Variants in HHAT observed in about 807,000 individuals in gnomAD.
HHAT encodes hedgehog acyltransferase.
HHAT carries 47 observed loss-of-function variants against 70.8 expected under a neutral mutation model. The ratio of observed to expected loss-of-function variants is 0.66; its 90% CI spans 0.53 to 0.85. The LOEUF is 0.85. HHAT is among the 40% of genes least tolerant of loss of function. The pLI, the probability that HHAT is intolerant of heterozygous loss-of-function variation, is 0.00. For synonymous variants in HHAT, 228 were observed against 247.6 expected (o/e 0.92, Z 0.74); for missense variants, 609 against 604.8 (o/e 1.01, Z -0.07).
intron 9 of HHAT, among the ~76,000 whole-genome samples, chr1:210,547,699 C>T (rs1358645622): frequency 2.0e-5 from 3 of 152,176 alleles, no homozygotes; most frequent in Admixed American, 6.5e-5. Flanking sequence ...ATGAAAATCT[C>T]ATTTCTTCCA....
chr1:210,632,982 C>T (rs1202606150), intron 11 of HHAT, among the ~76,000 whole-genome samples: 1 of 152,130 alleles, frequency 6.6e-6, no homozygotes, highest in African/African-American at 2.4e-5. Flanking sequence ...ACAAGGAAGG[C>T]TCCTCCCCAC....
chr1:210,565,213 A>T (rs1654391670), intron 9 of HHAT, among the ~76,000 whole-genome samples: 1 of 152,160 alleles, frequency 6.6e-6, no homozygotes, highest in African/African-American at 2.4e-5. Flanking sequence ...GGTGATAAAG[A>T]TGATGTATAT....
At chr1:210,476,953 C>T (rs1162776728) in intron 8 of HHAT, among the ~76,000 whole-genome samples, 1 of 152,182 alleles carries the variant, frequency 6.6e-6, no homozygotes, top group Non-Finnish European at 1.5e-5. Flanking sequence ...TGACATGCCA[C>T]GGCTCCATAG....
intron 11 of HHAT, among the ~76,000 whole-genome samples, chr1:210,640,756 A>G (rs1027478947): frequency 2.7e-5 from 4 of 150,904 alleles, no homozygotes; most frequent in African/African-American, 9.8e-5. Context: ...AGGAAATGGG[A>G]GGCTTAAACT....
At chr1:210,585,123 C>T (rs1477846299) in intron 9 of HHAT, among the ~76,000 whole-genome samples, 1 of 149,396 alleles carries the variant, frequency 6.7e-6, no homozygotes, top group East Asian at 1.9e-4. Context: ...AAAATTAGCC[C>T]AGGGTTGTAA....
intron 10 of HHAT, among the ~76,000 whole-genome samples, chr1:210,599,151 T>A (rs1456311147): frequency 6.6e-6 from 1 of 152,196 alleles, no homozygotes; most frequent in African/African-American, 2.4e-5. Flanking sequence ...CTAGCCCCAC[T>A]GAGCACTTGA....
chr1:210,655,141 C>A (rs61827432), intron 11 of HHAT, among the ~76,000 whole-genome samples: 4 of 152,152 alleles, frequency 2.6e-5, no homozygotes, highest in African/African-American at 7.2e-5. Flanking sequence ...GCCCCTTCCC[C>A]GGAGGCCAAC....
At chr1:210,425,886 A>T (rs1226803743) in intron 7 of HHAT, among the ~76,000 whole-genome samples, 1 of 152,196 alleles carries the variant, frequency 6.6e-6, no homozygotes, top group Non-Finnish European at 1.5e-5. Flanking sequence ...AAGAATGTCA[A>T]TGGTAGTTTG....
chr1:210,392,047 T>C (rs1351268960), intron 4 of HHAT, among the ~76,000 whole-genome samples: 1 of 152,150 alleles, frequency 6.6e-6, no homozygotes, highest in African/African-American at 2.4e-5. Context: ...TTAAAAACTT[T>C]TTGTAGAGAC....
At chr1:210,482,035 G>T (rs780221480) in intron 8 of HHAT, among the ~76,000 whole-genome samples, 31 of 152,252 alleles carry the variant, frequency 2.0e-4, no homozygotes, top group African/African-American at 7.5e-4. Flanking sequence ...CTTTGTAAGC[G>T]ATAGTTCATT....
intron 7 of HHAT, among the ~76,000 whole-genome samples, chr1:210,443,030 A>G (rs1303666674): frequency 6.6e-6 from 1 of 152,206 alleles, no homozygotes; most frequent in African/African-American, 2.4e-5. Flanking sequence ...ATTTTTGTAT[A>G]AGGAAGGGAT....
chr1:210,466,284 TA>T (rs1193433147), intron 8 of HHAT, among the ~76,000 whole-genome samples: 1 of 152,234 alleles, frequency 6.6e-6, no homozygotes, highest in Non-Finnish European at 1.5e-5. Context: ...GAATGTTGAG[TA>T]GTTACTCTGA....
intron 8 of HHAT, among the ~76,000 whole-genome samples, chr1:210,468,094 A>G (rs981754): frequency 0.13 from 20,372 of 152,150 alleles, 1,636 homozygotes; most frequent in South Asian, 0.22. Flanking sequence ...TGCTCAGATT[A>G]TTTACAGATA....
At chr1:210,561,903 A>G (rs2095626368) in intron 9 of HHAT, among the ~76,000 whole-genome samples, 1 of 152,186 alleles carries the variant, frequency 6.6e-6, no homozygotes, top group Non-Finnish European at 1.5e-5. Flanking sequence ...CATTTTCCTC[A>G]ATGTGTCCAG....
At chr1:210,514,955 G>A (rs1201093931) in intron 9 of HHAT, among the ~76,000 whole-genome samples, 5 of 152,192 alleles carry the variant, frequency 3.3e-5, no homozygotes, top group African/African-American at 1.2e-4. Context: ...TGTTGGGTCT[G>A]GAGGAAGGAG....
At chr1:210,517,205 A>C (rs2095071689) in intron 9 of HHAT, among the ~76,000 whole-genome samples, 1 of 152,306 alleles carries the variant, frequency 6.6e-6, no homozygotes, top group African/African-American at 2.4e-5. Context: ...GGCTTGTTTA[A>C]ATTTAGCTTA....
intron 6 of HHAT, among the ~76,000 whole-genome samples, chr1:210,405,956 G>T (rs1343181117): frequency 6.6e-6 from 1 of 152,310 alleles, no homozygotes; most frequent in Middle Eastern, 3.4e-3. Context: ...TTTGCAAAGT[G>T]TGGTTCCTGG....
chr1:210,565,249 A>G (rs1654415096), intron 9 of HHAT, among the ~76,000 whole-genome samples: 1 of 152,190 alleles, frequency 6.6e-6, no homozygotes, highest in Admixed American at 6.5e-5. Flanking sequence ...GGGTGCTCAT[A>G]TGATGGTCTT....
At position 210,386,230 on chromosome 1, in the gene HHAT, C is replaced by CTTTTTTTTT. The variant is rs869305965; in HGVS notation, c.160-1220_160-1212dup. ...ATTGCAGGAGTCCTTTTCTTTTTTT[C>CTTTTTTTTT]TTTTTTTTTTTTTTTTTTTTTTTTT... is the stretch of plus-strand genomic sequence containing the variant. On this transcript the variant is annotated intron_variant, in intron 3 of 11. Transcript: ENST00000261458. 9.4e-4 allele frequency among the ~76,000 whole-genome samples: 66 copies of CTTTTTTTTT among 69,920 alleles called. 2 individuals carry two copies. Among genetic ancestry groups the CTTTTTTTTT allele is most frequent in the African/African-American group, 2.5e-3 (40 of 16,048 alleles). 45.9% of individuals were successfully genotyped at this position (69,920 alleles called of 152,430 possible).
Sources: gnomAD v4.1 joint callset for allele counts (sites outside exome capture counted in the v4.1 genomes callset) on GRCh38, gnomAD v4.1.1 for gene constraint, MANE v1.5 for transcripts, NCBI Gene and HGNC (gene_info 2026-07-23, HGNC 2026-07-21) for gene names.